RGS18: variants seen among roughly 807,000 people sequenced by gnomAD.
The protein encoded by RGS18 is regulator of G-protein signaling 18.
Under a neutral mutation model 27.6 loss-of-function variants are expected in RGS18, and 22 were observed. That is an observed-to-expected ratio of 0.80 (90% CI 0.57 to 1.14). RGS18 has a LOEUF of 1.14. RGS18 is among the 50% of genes most tolerant of loss of function. RGS18 has a pLI of 0.00. For missense variants in RGS18, 299 were observed against 269.6 expected (o/e 1.11, Z -0.76); for synonymous variants, 89 against 84.6 (o/e 1.05, Z -0.29).
At chr1:192,181,532 A>G (rs971083299) in intron 4 of RGS18, 74 bp downstream of exon 4, 1 of 1,020,442 alleles carries the variant, frequency 9.8e-7, no homozygotes. Flanking sequence ...TAAATTGTGA[A>G]TTATATTTTT....
At chr1:192,173,096 T>C (rs1656292077) in intron 3 of RGS18, among the ~76,000 whole-genome samples, 1 of 151,634 alleles carries the variant, frequency 6.6e-6, no homozygotes, top group African/African-American at 2.4e-5. Flanking sequence ...CTTCTACCAA[T>C]AGAAATTTAT....
rs558552773 is a variant in RGS18, at chr1:192,163,985, T to A, written c.283+3546T>A. ...CTTTTATAAAATTTTATAAAATGCA[T>A]ACTTTTCTCAAATTCTGTATGTTAT... is the stretch of plus-strand genomic sequence containing the variant. On this transcript the variant is annotated intron_variant, in intron 3 of 4. Transcript: ENST00000367460. Among the ~76,000 whole-genome samples the A allele has an allele frequency of 1.2e-3, 176 of 152,094 alleles. 1 individual carries two copies. The highest frequency in any genetic ancestry group is 3.4e-3 in the African/African-American group (143 of 41,518).
intron 3 of RGS18, among the ~76,000 whole-genome samples, chr1:192,165,189 G>A (rs985217218): frequency 6.6e-6 from 1 of 152,184 alleles, no homozygotes; most frequent in Admixed American, 6.5e-5. Context: ...TGTAGGTAGG[G>A]ATGAAACATG....
intron 3 of RGS18, among the ~76,000 whole-genome samples, chr1:192,175,942 TC>T (rs142629740): frequency 0.028 from 4,312 of 151,884 alleles, 103 homozygotes; most frequent in Non-Finnish European, 0.047. Context: ...ATAATGAGCT[TC>T]CCCCTCAACA....
chr1:192,171,510 T>A (rs147808314), intron 3 of RGS18, among the ~76,000 whole-genome samples: 38 of 152,160 alleles, frequency 2.5e-4, no homozygotes, highest in African/African-American at 9.1e-4. Context: ...ACTGCTAACA[T>A]CCGTTGCTCA....
chr1:192,170,094 G>A (rs538506441), intron 3 of RGS18, among the ~76,000 whole-genome samples: 1 of 152,266 alleles, frequency 6.6e-6, no homozygotes, highest in East Asian at 1.9e-4. Flanking sequence ...GTTTAGTTCA[G>A]GCCAGTTGGT....
chr1:192,171,948 G>T (rs919365940), intron 3 of RGS18, among the ~76,000 whole-genome samples: 19 of 152,068 alleles, frequency 1.2e-4, no homozygotes, highest in African/African-American at 4.6e-4. Flanking sequence ...TCCAGTATGG[G>T]TTTGATCAAA....
rs771198408 is a variant in RGS18, at chr1:192,158,611, T to C, written c.-27T>C. On this transcript the variant is annotated 5_prime_UTR_variant, in exon 1 of 5. It removes the in-frame stop codon of an upstream open reading frame in the 5' UTR. Transcript: ENST00000367460. ...TGAACTAGGGAAGGATGTAATAAAT[T>C]AGACATCTCTTCATTTTAGAGAGAA... The C allele has an allele frequency of 4.6e-6, 7 of 1,513,040 alleles. No homozygotes were observed. In the Admixed American group the frequency reaches 7.2e-5, roughly 15 times the overall value. The allele number at this position is 1,513,040 out of a possible 1,614,324, so 93.7% of individuals were successfully genotyped here.
At chr1:192,177,918 C>A (rs1270152303) in intron 3 of RGS18, among the ~76,000 whole-genome samples, 1 of 151,512 alleles carries the variant, frequency 6.6e-6, no homozygotes. Flanking sequence ...ATTTGTACTG[C>A]AGCAAGATAT....
In RGS18 at chr1:192,185,586, A is replaced by G. The variant is rs1656534656; in HGVS notation, c.*1032A>G. The G allele has an allele frequency of 1.3e-5, 2 of 151,702 alleles. No homozygotes were observed. The highest frequency in any genetic ancestry group is 4.1e-4 in the South Asian group (2 of 4,832). The allele number at this position is 151,702 out of a possible 1,614,324, so 9.4% of individuals were successfully genotyped here. On this transcript the variant is annotated 3_prime_UTR_variant, in exon 5 of 5. Transcript: ENST00000367460. The stretch of plus-strand genomic sequence containing the variant: ...CTCCTTAAGTAATTATTATTCAAAT[A>G]AGATTATACTCATACATCTATATGT...
chr1:192,160,436 A>G lies in RGS18; in HGVS notation c.280A>G (p.Arg94Gly). ...GESFDKLLSH[R>G]DGLEAFTRFL... ...ATCATTTGACAAACTGCTTTCCCAT[A>G]GAGGTTAGTGGTACTTTCACCAAAT... The change falls in exon 3 of 5, where the codon AGA becomes GGA. Residue 94 changes from arginine (R) to glycine (G), a missense_variant. Physicochemically the swap from Arg to Gly is moderately radical, Grantham distance 125. Coordinates refer to ENST00000367460, the MANE Select transcript of RGS18 (RefSeq NM_130782.3). 1 of 1,607,118 alleles carries G rather than the reference A, an allele frequency of 6.2e-7. No homozygotes were observed. Among genetic ancestry groups the G allele is most frequent in the Non-Finnish European group, 8.5e-7 (1 of 1,173,808 alleles).
At chr1:192,177,319 T>C (rs919491893) in intron 3 of RGS18, among the ~76,000 whole-genome samples, 1 of 151,632 alleles carries the variant, frequency 6.6e-6, no homozygotes, top group Non-Finnish European at 1.5e-5. Context: ...CTTGTAAATA[T>C]GATAGGTCTG....
chr1:192,184,302 C>T lies in RGS18; in HGVS notation c.456C>T (p.Asn152=), dbSNP rs1352518105. Residue 152 remains asparagine, a synonymous_variant, in exon 5 of 5, where the codon AAC becomes AAT. Transcript: ENST00000367460. The stretch of plus-strand genomic sequence containing the variant: ...CTTTTTTTCTGTTTATCCAGGTTAA[C>T]CTTGATTTTCACACAAAAGAAGTCA... The part of the protein sequence containing the change: ...FIQTDAPKEV[N]LDFHTKEVIT... The T allele has an allele frequency of 1.2e-6, 2 of 1,606,352 alleles. No homozygotes were observed. Among genetic ancestry groups the T allele is most frequent in the African/African-American group, 1.3e-5 (1 of 74,536 alleles).
chr1:192,176,097 T>A (rs931155258), intron 3 of RGS18, among the ~76,000 whole-genome samples: 3 of 151,780 alleles, frequency 2.0e-5, no homozygotes, highest in Non-Finnish European at 4.4e-5. Flanking sequence ...TCAAAGAAGA[T>A]CCTATTTTGG....
In RGS18 at chr1:192,184,468, A is replaced by G. The variant is rs1487320239; in HGVS notation, c.622A>G (p.Arg208Gly). Residue 208 changes from arginine to glycine, a missense_variant, in exon 5 of 5, where the codon AGA (arginine) becomes GGA (glycine). Physicochemically the swap from Arg to Gly is moderately radical, Grantham distance 125. Transcript: ENST00000367460. The stretch of plus-strand genomic sequence containing the variant: ...AGACTTGATGGAAGGAAGACCTCAG[A>G]GACCAACAAATCTTAGGAGACGATC... The part of the protein sequence containing the change: ...YLDLMEGRPQ[R>G]PTNLRRRSRS... The G allele has an allele frequency of 1.2e-6, 2 of 1,611,672 alleles. No homozygotes were observed. The highest frequency in any genetic ancestry group is 1.7e-5 in the Admixed American group (1 of 59,762).
chr1:192,183,538 A>G (rs1446873440), intron 4 of RGS18, among the ~76,000 whole-genome samples: 3 of 151,538 alleles, frequency 2.0e-5, no homozygotes, highest in South Asian at 2.1e-4. Flanking sequence ...ATTCATAGAG[A>G]GTAAGAAGGA....
intron 3 of RGS18, among the ~76,000 whole-genome samples, chr1:192,177,800 T>C (rs552830766): frequency 6.6e-6 from 1 of 151,898 alleles, no homozygotes; most frequent in South Asian, 2.1e-4. Flanking sequence ...GGCACACGAA[T>C]GGAACTATAC....
chr1:192,179,567 G>A (rs1342889243), intron 3 of RGS18, among the ~76,000 whole-genome samples: 1 of 151,376 alleles, frequency 6.6e-6, no homozygotes, highest in Admixed American at 6.6e-5. Context: ...TTCCTTCAAT[G>A]GCAGAATGGT....
intron 3 of RGS18, among the ~76,000 whole-genome samples, chr1:192,172,325 C>T (rs1656274308): frequency 6.6e-6 from 1 of 151,940 alleles, no homozygotes; most frequent in Non-Finnish European, 1.5e-5. Flanking sequence ...TGGATTCGTT[C>T]CCTCGAGAGT....
Sources: gnomAD v4.1 joint callset for allele counts (sites outside exome capture counted in the v4.1 genomes callset) on GRCh38, gnomAD v4.1.1 for gene constraint, MANE v1.5 for transcripts, NCBI Gene and HGNC (gene_info 2026-07-23, HGNC 2026-07-21) for gene names.